The following KRT73 variants were observed in gnomAD, a reference collection of about 807,000 sequenced individuals.
KRT73 encodes keratin 73, also known as keratin, type II cytoskeletal 73.
Under a neutral mutation model 47.2 loss-of-function variants are expected in KRT73, and 44 were observed. That is an observed-to-expected ratio of 0.93 (90% CI 0.73 to 1.20). The LOEUF is 1.20. Among genes scored for constraint, KRT73 ranks in the 50% most tolerant of loss-of-function variants. The probability of loss-of-function intolerance (pLI) is 0.00; values close to 1 mark genes in which losing one functional copy is unlikely to be tolerated. For synonymous variants in KRT73, 285 were observed against 291.3 expected (o/e 0.98, Z 0.22); for missense variants, 713 against 704.5 (o/e 1.01, Z -0.14).
At chr12:52,621,878 C>T (rs1940912767), upstream of KRT73, among the ~76,000 whole-genome samples, 1 of 152,104 alleles carries the variant, frequency 6.6e-6, no homozygotes, top group Non-Finnish European at 1.5e-5. Flanking sequence ...GATTCCATCC[C>T]CACCAGGAGG....
chr12:52,616,641 T>C (rs1331843796), intron 1 of KRT73, among the ~76,000 whole-genome samples: 1 of 152,080 alleles, frequency 6.6e-6, no homozygotes, highest in Non-Finnish European at 1.5e-5. Flanking sequence ...AAGATCTAGA[T>C]CTCCTGTCTC....
chr12:52,620,682 CCTT>C (rs112004481), upstream of KRT73, among the ~76,000 whole-genome samples: 10,412 of 152,132 alleles, frequency 0.068, 825 homozygotes, highest in Admixed American at 0.16. Context: ...CAGCCCCTCT[CCTT>C]ATGGTTTTCA....
Position 52,616,146 on chromosome 12 carries a change from T to G in KRT73, c.662+20A>C. ...CCTCACCCTGGGAGGCAGACCAGCC[T>G]GGAGTGGCGTCCTGCTCACCTCTTC... On this transcript the variant is annotated intron_variant, in intron 2 of 8. Transcript: ENST00000305748. 6.2e-7 allele frequency: 1 copy of G among 1,613,592 alleles called. No individual in the cohort carries two copies. Among genetic ancestry groups the G allele is most frequent in the Non-Finnish European group, 8.5e-7 (1 of 1,179,546 alleles).
chr12:52,611,123 C>G, intron 6 of KRT73, 81 bp downstream of exon 6: 1 of 1,543,390 alleles, frequency 6.5e-7, no homozygotes, highest in Non-Finnish European at 8.8e-7. Flanking sequence ...AATGGATGCT[C>G]AAGAGAAGGA....
In KRT73 at chr12:52,618,133, T is replaced by C. The variant is rs1179097867; in HGVS notation, c.392A>G (p.Gln131Arg). The C allele has an allele frequency of 1.2e-6, 2 of 1,613,816 alleles. No individual in the cohort carries two copies. Among genetic ancestry groups the C allele is most frequent in the African/African-American group, 2.7e-5 (2 of 74,922 alleles). The change falls in exon 1 of 9, where the codon CAG (glutamine) becomes CGG (arginine). Residue 131 changes from glutamine (Q) to arginine (R), a missense_variant. Physicochemically the swap from Gln to Arg is conservative, Grantham distance 43 (BLOSUM62 1). Transcript: ENST00000305748. ...LDPEIQKVRAQEREQIKVLNN... is the reference protein window; with the variant it reads ...LDPEIQKVRAREREQIKVLNN... ...CAGCACCTTGATCTGCTCCCGCTCC[T>C]GGGCACGCACTTTCTGGATTTCAGG...
chr12:52,617,484 C>T (rs1479184054), intron 1 of KRT73, among the ~76,000 whole-genome samples: 1 of 152,146 alleles, frequency 6.6e-6, no homozygotes, highest in Non-Finnish European at 1.5e-5. Flanking sequence ...CCTTTGAGAA[C>T]CACTGCTCTA....
chr12:52,616,391 T>C lies in KRT73; in HGVS notation c.448-11A>G, dbSNP rs549472321. The C allele has an allele frequency of 6.2e-7, 1 of 1,614,116 alleles. No individual in the cohort carries two copies. The highest frequency in any genetic ancestry group is 1.3e-5 in the African/African-American group (1 of 75,052). On this transcript the variant is annotated splice_polypyrimidine_tract_variant and intron_variant, in intron 1 of 8. Coordinates refer to ENST00000305748, the MANE Select transcript of KRT73 (RefSeq NM_175068.3). ...CTCCAGGAACCGCACCTGGAACCCA[T>C]GCCACACATACTTAAGCAATGTGGA...
At position 52,608,295 on chromosome 12, in the gene KRT73, AC is replaced by A; in HGVS notation, c.1523del (p.Arg508LeufsTer22). On this transcript the variant is annotated frameshift_variant, in exon 9 of 9. Transcript: ENST00000305748. LOFTEE classifies it low-confidence loss of function (END_TRUNC). Reference sequence around the variant, plus strand: ...TCCCCAGCCTGGTCCTGGCTTCCCCACGGGGGCTACAGTTCCCACTGCCAGT... The same window carrying A: ...TCCCCAGCCTGGTCCTGGCTTCCCCAGGGGGCTACAGTTCCCACTGCCAGT... Reference protein sequence around the residue: ...CVTGSGNCSPRGEARTRLGSA... With the variant: ...CVTGSGNCSPXGEARTRLGSA... The A allele has an allele frequency of 6.2e-7, 1 of 1,613,860 alleles. No individual in the cohort carries two copies. The highest frequency in any genetic ancestry group is 8.5e-7 in the Non-Finnish European group (1 of 1,179,964).
At position 52,608,228 on chromosome 12, in the gene KRT73, G is replaced by T. The variant is rs996876379; in HGVS notation, c.1591C>A (p.Leu531Ile). The change falls in exon 9 of 9, where the codon CTA (leucine) becomes ATA (isoleucine). Residue 531 changes from leucine (L) to isoleucine (I), a missense_variant. Coordinates refer to ENST00000305748, the MANE Select transcript of KRT73 (RefSeq NM_175068.3). ...FRDSQGKTLALSSPTKKTMR is the reference protein window; with the variant it reads ...FRDSQGKTLAISSPTKKTMR ...ATGGTTTTTTTGGTGGGTGAGCTTA[G>T]AGCTAAGGTCTTTCCCTGGGAGTCC... 7.4e-6 allele frequency: 12 copies of T among 1,613,568 alleles called. No homozygotes were observed. The highest frequency in any genetic ancestry group is 1.3e-5 in the African/African-American group (1 of 74,922).
chr12:52,610,439 G>T, intron 7 of KRT73, 176 bp downstream of exon 7: 1 of 674,936 alleles, frequency 1.5e-6, no homozygotes, highest in Non-Finnish European at 2.6e-6. Context: ...AGTCAAAAGA[G>T]AACTGTAAAG....
At chr12:52,627,498 T>C in the KRT73 span, among the ~76,000 whole-genome samples, 1 of 152,128 alleles carries the variant, frequency 6.6e-6, no homozygotes, top group Admixed American at 6.6e-5. Context: ...AAGACCTGCC[T>C]TCCAATACAA....
chr12:52,621,573 CAGA>C (rs1940907823), upstream of KRT73, among the ~76,000 whole-genome samples: 1 of 152,052 alleles, frequency 6.6e-6, no homozygotes, highest in African/African-American at 2.4e-5. Context: ...AGACTTGGGG[CAGA>C]AGAAGGCAGG....
At chr12:52,610,368 C>T (rs940931246) in intron 7 of KRT73, 15 of 487,858 alleles carry the variant, frequency 3.1e-5, no homozygotes, top group Non-Finnish European at 4.5e-5. Context: ...CGAACCACTG[C>T]GCCTGGCCAT....
intron 7 of KRT73, 103 bp from the exon 8 acceptor site, chr12:52,609,384 C>A (rs1053457845): frequency 2.9e-5 from 26 of 901,424 alleles, no homozygotes; most frequent in Non-Finnish European, 4.5e-5. Flanking sequence ...ACCAGCTCAG[C>A]CTTCACGCAC....
At chr12:52,624,479 G>A in the KRT73 span, among the ~76,000 whole-genome samples, 1 of 152,018 alleles carries the variant, frequency 6.6e-6, no homozygotes, top group Admixed American at 6.5e-5. Flanking sequence ...AGTGCCCACA[G>A]GACATATACC....
rs1451325375 is a variant in KRT73, at chr12:52,613,782, A to G, written c.890T>C (p.Leu297Pro). 1.2e-6 allele frequency: 2 copies of G among 1,614,112 alleles called. No homozygotes were observed. Among genetic ancestry groups the G allele is most frequent in the African/African-American group, 2.7e-5 (2 of 74,948 alleles). The change falls in exon 5 of 9, where the codon CTG (leucine) becomes CCG (proline). Residue 297 changes from leucine (L) to proline (P), a missense_variant. Coordinates refer to ENST00000305748, the MANE Select transcript of KRT73 (RefSeq NM_175068.3). ...IILSMDNNRN[L>P]DLDSIIAEVR... ...CTCAGCAATGATGCTGTCCAGGTCC[A>G]GGTTCCGGTTGTTGTCCATGGACAG...
rs377458386 is a variant in KRT73, at chr12:52,618,268, A to G, written c.257T>C (p.Phe86Ser). The change falls in exon 1 of 9, where the codon TTT becomes TCT. Residue 86 changes from phenylalanine (F) to serine (S), a missense_variant. Physicochemically the swap from Phe to Ser is radical, Grantham distance 155. Coordinates refer to ENST00000305748, the MANE Select transcript of KRT73 (RefSeq NM_175068.3). ...GRASGFAGSM[F>S]GSVALGSVCP... ...CACGGACCCCAAGGCCACACTGCCAAACATGCTGCCAGCAAAGCCACTGGC... is the reference window on the plus strand; with the variant it reads ...CACGGACCCCAAGGCCACACTGCCAGACATGCTGCCAGCAAAGCCACTGGC... 3.1e-6 allele frequency: 5 copies of G among 1,614,184 alleles called. No homozygotes were observed. Among genetic ancestry groups the G allele is most frequent in the Non-Finnish European group, 4.2e-6 (5 of 1,180,038 alleles).
upstream of KRT73, among the ~76,000 whole-genome samples, chr12:52,620,241 G>A (rs1940883132): frequency 6.7e-6 from 1 of 150,250 alleles, no homozygotes; most frequent in African/African-American, 2.5e-5. Context: ...AGCCTCCTGA[G>A]TAGCTGGGAT....
At position 52,618,077 on chromosome 12, in the gene KRT73, CCTTGTCAATGAAG is replaced by C; in HGVS notation, c.435_447del (p.Phe146CysfsTer23). On this transcript the variant is annotated frameshift_variant and splice_region_variant, in exon 1 of 9. Coordinates refer to ENST00000305748, the MANE Select transcript of KRT73 (RefSeq NM_175068.3). LOFTEE classifies it high-confidence loss of function. ...GATCAGCTTTCTCCAGAAAGACCCA[CCTTGTCAATGAAG>C]GAGGCGAACTTGTTGTTCAGCACCT... The C allele has an allele frequency of 6.2e-7, 1 of 1,613,428 alleles. No individual in the cohort carries two copies. The highest frequency in any genetic ancestry group is 1.7e-5 in the Admixed American group (1 of 59,896).
Sources: allele counts gnomAD v4.1 joint callset (sites outside exome capture counted in the v4.1 genomes callset), GRCh38; gene constraint gnomAD v4.1.1; transcripts MANE v1.5; gene names NCBI Gene and HGNC (gene_info 2026-07-23, HGNC 2026-07-21).